MGST2: variants seen among roughly 807,000 people sequenced by gnomAD.
MGST2 encodes glutathione peroxidase MGST2.
In MGST2, 9 loss-of-function variants were observed where a neutral mutation model predicts 16.6. That is an observed-to-expected ratio of 0.54 (90% CI 0.33 to 0.95). MGST2 has a LOEUF of 0.95. MGST2 is among the 40% of genes least tolerant of loss of function. MGST2 has a pLI of 0.03. For missense variants in MGST2, 159 were observed against 175.1 expected, an observed-to-expected ratio of 0.91 and a Z score of 0.52; for synonymous variants, 79 against 68.0, an observed-to-expected ratio of 1.16 and a Z score of -0.79.
chr4:139,674,186 G>A (rs1730846976), intron 1 of MGST2, among the ~76,000 whole-genome samples: 1 of 152,192 alleles, frequency 6.6e-6, no homozygotes, highest in Non-Finnish European at 1.5e-5. Flanking sequence ...GGTGGTCAGG[G>A]CACAGCCTGG....
rs190644799 is a variant in MGST2, at chr4:139,690,189, A to C, written c.159-5008A>C. 1.4e-4 allele frequency among the ~76,000 whole-genome samples: 21 copies of C among 152,208 alleles called. No homozygotes were observed. The East Asian group carries it at 3.9e-3, about 28-fold the overall frequency. The stretch of plus-strand genomic sequence containing the variant: ...GTATTTGTAATAGAGTCAGGGTTTC[A>C]CCATATTGTCCAGGCTGGTCTTGAA... On this transcript the variant is annotated intron_variant, in intron 2 of 4. Coordinates refer to ENST00000265498, the MANE Select transcript of MGST2 (RefSeq NM_002413.5).
chr4:139,753,488 A>T, the MGST2 span, among the ~76,000 whole-genome samples: 287 of 152,348 alleles, frequency 1.9e-3, no homozygotes, highest in African/African-American at 6.4e-3. Context: ...ACAGAAAAAA[A>T]TTAAAGATGA....
chr4:139,708,445 A>T (rs568148319), downstream of MGST2, among the ~76,000 whole-genome samples: 1 of 140,144 alleles, frequency 7.1e-6, no homozygotes, highest in Non-Finnish European at 1.6e-5. Context: ...TACCAGTACC[A>T]TGCTGTTTTG....
At chr4:139,724,775 CTT>C (rs34621312) in intron 5 of MGST2, among the ~76,000 whole-genome samples, 215 of 130,218 alleles carry the variant, frequency 1.7e-3, no homozygotes, top group Middle Eastern at 8.1e-3. Context: ...CCTCAAGGGT[CTT>C]TTTTTTTTTT....
At chr4:139,691,673 G>GATTATT (rs1560747685) in intron 2 of MGST2, among the ~76,000 whole-genome samples, 5 of 125,862 alleles carry the variant, frequency 4.0e-5, no homozygotes, top group African/African-American at 2.0e-4. Context: ...GTCAGATGAT[G>GATTATT]ATGATGATGA....
At chr4:139,731,849 C>G (rs914265809) in intron 5 of MGST2, among the ~76,000 whole-genome samples, 3 of 152,112 alleles carry the variant, frequency 2.0e-5, no homozygotes, top group Non-Finnish European at 4.4e-5. Context: ...ACAGTGTAGA[C>G]TATTAGGGGA....
At position 139,691,697 on chromosome 4, in the gene MGST2, G is replaced by GATTATTATTATT. The variant is rs3841989; in HGVS notation, c.159-3493_159-3482dup. On this transcript the variant is annotated intron_variant, in intron 2 of 4. Transcript: ENST00000265498. ...TGATGATGATGATGATGATGATGATGATTATTATTATTATTATTTGAGACG... is the reference window on the plus strand; with the variant it reads ...TGATGATGATGATGATGATGATGATGATTATTATTATTATTATTATTATTATTATTTGAGACG... Among the ~76,000 whole-genome samples the GATTATTATTATT allele has an allele frequency of 8.4e-4, 116 of 137,484 alleles. 1 individual carries two copies. The highest frequency in any genetic ancestry group is 3.5e-3 in the African/African-American group (113 of 31,856). The allele number at this position is 137,484 out of a possible 152,430, so 90.2% of individuals were successfully genotyped here.
downstream of MGST2, among the ~76,000 whole-genome samples, chr4:139,708,809 C>T (rs1424646566): frequency 1.3e-5 from 2 of 151,926 alleles, no homozygotes; most frequent in Non-Finnish European, 2.9e-5. Context: ...TTGAGACCAG[C>T]CTGACCAACA....
downstream of MGST2, among the ~76,000 whole-genome samples, chr4:139,708,806 C>T (rs1193156741): frequency 2.0e-5 from 3 of 151,828 alleles, no homozygotes; most frequent in Non-Finnish European, 4.4e-5. Flanking sequence ...AGTTTGAGAC[C>T]AGCCTGACCA....
intron 1 of MGST2, among the ~76,000 whole-genome samples, chr4:139,678,109 A>G (rs1415518085): frequency 6.6e-6 from 1 of 152,212 alleles, no homozygotes; most frequent in East Asian, 1.9e-4. Flanking sequence ...CTATGTATAC[A>G]TATGAAATAA....
At chr4:139,706,906 T>G (rs1727539944), downstream of MGST2, among the ~76,000 whole-genome samples, 1 of 152,210 alleles carries the variant, frequency 6.6e-6, no homozygotes, top group Admixed American at 6.5e-5. Context: ...GGTTTGACAA[T>G]TACATGTACA....
intron 2 of MGST2, 198 bp downstream of exon 2, chr4:139,678,840 C>CT: frequency 1.6e-6 from 1 of 620,938 alleles, no homozygotes; most frequent in South Asian, 1.9e-5. Context: ...CTGCCCACAT[C>CT]TATTACCAAT....
In MGST2 at chr4:139,665,835, G is replaced by T. The variant is rs373534183; in HGVS notation, c.-185G>T. ...CCCAGCCCCATAAAGATCTGTGACC[G>T]GCAGCCCCAGACCTGCCTGCCTTCC... is the stretch of plus-strand genomic sequence containing the variant. On this transcript the variant is annotated 5_prime_UTR_variant, in exon 1 of 5. Coordinates refer to ENST00000265498, the MANE Select transcript of MGST2 (RefSeq NM_002413.5). The T allele has an allele frequency of 3.0e-6, 2 of 671,018 alleles. No individual in the cohort carries two copies. Among genetic ancestry groups the T allele is most frequent in the Non-Finnish European group, 5.4e-6 (2 of 370,110 alleles). The allele number at this position is 671,018 out of a possible 1,614,324, so 41.6% of individuals were successfully genotyped here. A position where few individuals can be genotyped will look rare whatever the true frequency, so the allele number is the denominator to read the frequency against.
chr4:139,734,664 G>A (rs1338781208), intron 5 of MGST2, among the ~76,000 whole-genome samples: 1 of 152,216 alleles, frequency 6.6e-6, no homozygotes, highest in African/African-American at 2.4e-5. Flanking sequence ...GGCAGTTTTC[G>A]ACTTCAAAAA....
intron 5 of MGST2, among the ~76,000 whole-genome samples, chr4:139,722,949 A>G (rs918912761): frequency 6.6e-5 from 10 of 152,274 alleles, no homozygotes; most frequent in African/African-American, 2.4e-4. Context: ...AAAATGTCAC[A>G]CTGGCTTTAC....
chr4:139,678,080 GTCTTTGTT>G (rs575653341), intron 1 of MGST2, among the ~76,000 whole-genome samples: 36 of 152,278 alleles, frequency 2.4e-4, no homozygotes, highest in African/African-American at 7.7e-4. Flanking sequence ...GTGGAGCGGG[GTCTTTGTT>G]CTGAAGGCTG....
chr4:139,741,383 C>T (rs75680644), downstream of MGST2, among the ~76,000 whole-genome samples: 9,337 of 152,152 alleles, frequency 0.061, 384 homozygotes, highest in East Asian at 0.1. Flanking sequence ...ACATATTCTT[C>T]GAACAAGGTT....
intron 2 of MGST2, among the ~76,000 whole-genome samples, chr4:139,691,652 C>A (rs1726587118): frequency 6.6e-6 from 1 of 151,114 alleles, no homozygotes; most frequent in Non-Finnish European, 1.5e-5. Context: ...AAACAGGGCA[C>A]CCCACTGGCA....
chr4:139,682,605 A>AG (rs1177317921), intron 2 of MGST2, among the ~76,000 whole-genome samples: 1 of 152,218 alleles, frequency 6.6e-6, no homozygotes, highest in Non-Finnish European at 1.5e-5. Flanking sequence ...AAGTCATGAC[A>AG]GGGTTTTAAG....
Sources: allele counts gnomAD v4.1 joint callset (sites outside exome capture counted in the v4.1 genomes callset), GRCh38; gene constraint gnomAD v4.1.1; transcripts MANE v1.5; gene names NCBI Gene and HGNC (gene_info 2026-07-23, HGNC 2026-07-21).